TULP4: variants seen among roughly 807,000 people sequenced by gnomAD.
The protein encoded by TULP4 is tubby-related protein 4.
In TULP4, 16 loss-of-function variants were observed where a neutral mutation model predicts 129.0. That is an observed-to-expected ratio of 0.12 (90% CI 0.08 to 0.19). TULP4 has a LOEUF of 0.19. TULP4 is among the 10% of genes least tolerant of loss of function. The probability of loss-of-function intolerance (pLI) is 1.00; values close to 1 mark genes in which losing one functional copy is unlikely to be tolerated. For missense variants in TULP4, 1,842 were observed against 2,059.1 expected (o/e 0.89, Z 2.04); for synonymous variants, 998 against 854.0 (o/e 1.17, Z -2.94).
At chr6:158,262,659 G>T (rs1368223397) in intron 1 of TULP4, among the ~76,000 whole-genome samples, 1 of 152,168 alleles carries the variant, frequency 6.6e-6, no homozygotes, top group Non-Finnish European at 1.5e-5. Context: ...GATTCCGGAA[G>T]AGTCTGAGAG....
intron 4 of TULP4, among the ~76,000 whole-genome samples, chr6:158,449,646 C>T (rs1016855593): frequency 6.6e-6 from 1 of 152,186 alleles, no homozygotes; most frequent in African/African-American, 2.4e-5. Flanking sequence ...GCACCTTGGG[C>T]AGATAACTCT....
At chr6:158,256,907 T>C (rs1489431985) in intron 1 of TULP4, among the ~76,000 whole-genome samples, 1 of 152,108 alleles carries the variant, frequency 6.6e-6, no homozygotes, top group Non-Finnish European at 1.5e-5. Flanking sequence ...GATTGGTGTT[T>C]CAGGTGGCAG....
chr6:158,277,935 G>A (rs898978532), upstream of TULP4, among the ~76,000 whole-genome samples: 17 of 152,136 alleles, frequency 1.1e-4, no homozygotes, highest in African/African-American at 4.1e-4. Flanking sequence ...CCTTCACTCA[G>A]AGAGCATCAT....
At chr6:158,470,766 G>T (rs1779662828) in intron 6 of TULP4, among the ~76,000 whole-genome samples, 1 of 152,232 alleles carries the variant, frequency 6.6e-6, no homozygotes, top group Non-Finnish European at 1.5e-5. Context: ...CATGGTAAAA[G>T]ATTTTTCGTT....
At chr6:158,385,601 T>G (rs954917823) in intron 1 of TULP4, among the ~76,000 whole-genome samples, 1 of 151,060 alleles carries the variant, frequency 6.6e-6, no homozygotes, top group Non-Finnish European at 1.5e-5. Flanking sequence ...TATGTACATA[T>G]GTACACATAT....
chr6:158,385,770 AAT>A (rs1197715658), intron 1 of TULP4, among the ~76,000 whole-genome samples: 1 of 148,146 alleles, frequency 6.8e-6, no homozygotes, highest in Non-Finnish European at 1.5e-5. Context: ...TCTTCTCCAA[AAT>A]AGTCTTGCCA....
intron 1 of TULP4, among the ~76,000 whole-genome samples, chr6:158,266,194 A>G (rs895101888): frequency 6.6e-6 from 1 of 152,128 alleles, no homozygotes; most frequent in Non-Finnish European, 1.5e-5. Flanking sequence ...TAGCATAAGC[A>G]TTTTTCATGT....
rs1241753822 is a variant in TULP4, at chr6:158,394,627, CA to C, written c.253-18428del. ...TGAAACCCTGTCTCTACTAAAAATACAAAAAAAAAATTAGCCGGACGTGGTG... is the reference window on the plus strand; with the variant it reads ...TGAAACCCTGTCTCTACTAAAAATACAAAAAAAAATTAGCCGGACGTGGTG... On this transcript the variant is annotated intron_variant, in intron 1 of 13. Coordinates refer to ENST00000367097, the MANE Select transcript of TULP4 (RefSeq NM_020245.5). 1.8e-3 allele frequency among the ~76,000 whole-genome samples: 264 copies of C among 146,548 alleles called. 2 individuals carry two copies. The highest frequency in any genetic ancestry group is 6.1e-3 in the African/African-American group (245 of 39,962).
intron 4 of TULP4, among the ~76,000 whole-genome samples, chr6:158,451,847 A>T (rs1371395422): frequency 6.6e-6 from 1 of 152,262 alleles, no homozygotes; most frequent in Non-Finnish European, 1.5e-5. Context: ...ACACATTAAC[A>T]TCAAGTTAGT....
At chr6:158,368,529 A>C (rs554891123) in intron 1 of TULP4, among the ~76,000 whole-genome samples, 1 of 152,328 alleles carries the variant, frequency 6.6e-6, no homozygotes, top group South Asian at 2.1e-4. Context: ...TCAGGAATCT[A>C]TCTCTAGTAG....
chr6:158,395,513 G>T (rs978557571), intron 1 of TULP4, among the ~76,000 whole-genome samples: 3 of 151,690 alleles, frequency 2.0e-5, no homozygotes, highest in Non-Finnish European at 4.4e-5. Context: ...CCTGGGAGGC[G>T]GAGGTTGTGG....
In TULP4 at chr6:158,461,675, C is replaced by T. The variant is rs752942430; in HGVS notation, c.972C>T (p.Val324=). 4 of 1,614,120 alleles carry T rather than the reference C, an allele frequency of 2.5e-6. No homozygotes were observed. The highest frequency in any genetic ancestry group is 3.4e-6 in the Non-Finnish European group (4 of 1,180,030). ...PNGPLLKSAM[V]KFYNVRGEHI... The stretch of plus-strand genomic sequence containing the variant: ...GTCCCCTTCTGAAGAGTGCCATGGT[C>T]AAGTTCTACAATGTTCGTGGGGAGC... Residue 324 remains valine (V), a synonymous_variant, in exon 6 of 14, where the codon GTC becomes GTT. Transcript: ENST00000367097.
At position 158,449,165 on chromosome 6, in the gene TULP4, C is replaced by A. The variant is rs775488874; in HGVS notation, c.713C>A (p.Ala238Asp). ...AGCGACACGGACTCAGATGACTACGCCCCTCCCCAAGGTACTCATTGGCCC... is the reference window on the plus strand; with the variant it reads ...AGCGACACGGACTCAGATGACTACGACCCTCCCCAAGGTACTCATTGGCCC... The part of the protein sequence containing the change: ...SESDTDSDDY[A>D]PPQDGPAAYP... The change falls in exon 4 of 14, where the codon GCC (alanine) becomes GAC (aspartate). Residue 238 changes from alanine to aspartate, a missense_variant. Ala to Asp is a moderately radical substitution (Grantham distance 126). Coordinates refer to ENST00000367097, the MANE Select transcript of TULP4 (RefSeq NM_020245.5). 1 of 1,612,332 alleles carries A rather than the reference C, an allele frequency of 6.2e-7. No homozygotes were observed. The highest frequency in any genetic ancestry group is 2.2e-5 in the East Asian group (1 of 44,884).
At chr6:158,371,435 C>A (rs1161773619) in intron 1 of TULP4, among the ~76,000 whole-genome samples, 1 of 152,158 alleles carries the variant, frequency 6.6e-6, no homozygotes, top group Non-Finnish European at 1.5e-5. Context: ...TGTTAGAAAT[C>A]AAAATCCCAA....
intron 1 of TULP4, among the ~76,000 whole-genome samples, chr6:158,264,419 G>T (rs189998068): frequency 5.7e-4 from 87 of 152,246 alleles, no homozygotes; most frequent in Non-Finnish European, 1.0e-3. Flanking sequence ...TTGCACATCA[G>T]TCATAAAGGT....
chr6:158,372,135 T>TA (rs1777085242), intron 1 of TULP4, among the ~76,000 whole-genome samples: 1 of 74,938 alleles, frequency 1.3e-5, no homozygotes, highest in Non-Finnish European at 3.0e-5. Flanking sequence ...TTTTTTTTTT[T>TA]TTTTTTTAAT....
intron 1 of TULP4, among the ~76,000 whole-genome samples, chr6:158,366,171 G>A (rs999748056): frequency 2.6e-5 from 4 of 152,048 alleles, no homozygotes; most frequent in Non-Finnish European, 4.4e-5. Flanking sequence ...CCAAAGTGCT[G>A]GGATTACAGG....
intron 13 of TULP4, 111 bp from the exon 14 acceptor site, chr6:158,506,467 G>A (rs780466883): frequency 2.9e-4 from 221 of 761,344 alleles, no homozygotes; most frequent in African/African-American, 3.4e-4. Context: ...TCCTGACGTC[G>A]TGATCTGCCC....
intron 1 of TULP4, among the ~76,000 whole-genome samples, chr6:158,380,951 G>T (rs1328715520): frequency 6.7e-6 from 1 of 148,694 alleles, no homozygotes; most frequent in African/African-American, 2.5e-5. Flanking sequence ...AGCCATCTTT[G>T]CCTGAGGCTC....
Sources: allele counts gnomAD v4.1 joint callset (sites outside exome capture counted in the v4.1 genomes callset), GRCh38; gene constraint gnomAD v4.1.1; transcripts MANE v1.5; gene names NCBI Gene and HGNC (gene_info 2026-07-23, HGNC 2026-07-21).